VPS13D: variants seen among roughly 807,000 people sequenced by gnomAD.
The protein encoded by VPS13D is intermembrane lipid transfer protein VPS13D.
In VPS13D, 187 loss-of-function variants were observed where a neutral mutation model predicts 461.9. The observed-to-expected ratio is 0.40, with a 90% confidence interval of 0.36 to 0.46. VPS13D has a LOEUF of 0.46. Among genes scored for constraint, VPS13D ranks in the 20% least tolerant of loss-of-function variants. The pLI, the probability that VPS13D is intolerant of heterozygous loss-of-function variation, is 0.60. For synonymous variants in VPS13D, 1,951 were observed against 1,986.3 expected (o/e 0.98, Z 0.47); for missense variants, 4,711 against 5,364.9 (o/e 0.88, Z 3.81).
In VPS13D at chr1:12,416,609, A is replaced by G. The variant is rs758344276; in HGVS notation, c.12166-51A>G. ...CTTCGCTTGGGACACTGGTATCTGC[A>G]AATATAAGTAGATGCTGATTGGACT... On this transcript the variant is annotated intron_variant, in intron 64 of 69. Coordinates refer to ENST00000620676, the MANE Select transcript of VPS13D (RefSeq NM_015378.4). 32 of 1,574,308 alleles carry G rather than the reference A, an allele frequency of 2.0e-5. 1 individual carries two copies. Among genetic ancestry groups the G allele is most frequent in the Non-Finnish European group, 2.6e-5 (30 of 1,161,284 alleles).
At chr1:12,304,383 A>T (rs1171800241) in intron 25 of VPS13D, 123 bp from the exon 26 acceptor site, 2 of 822,862 alleles carry the variant, frequency 2.4e-6, no homozygotes, top group African/African-American at 3.5e-5. Flanking sequence ...TATAAGTATT[A>T]TAGAGTCTTT....
chr1:12,505,242 CT>C lies in VPS13D; in HGVS notation c.12795-1608del, dbSNP rs1646089595. 6.6e-6 allele frequency among the ~76,000 whole-genome samples: 1 copy of C among 151,752 alleles called. No individual in the cohort carries two copies. The highest frequency in any genetic ancestry group is 6.5e-5 in the Admixed American group (1 of 15,284). ...ATCATTTTTATCCCTCTCTGTCTGT[CT>C]TTCTGTCTTTCCCTGTGCCCTCCTT... is the stretch of plus-strand genomic sequence containing the variant. On this transcript the variant is annotated intron_variant, in intron 68 of 69. Coordinates refer to ENST00000620676, the MANE Select transcript of VPS13D (RefSeq NM_015378.4). This position sits in a 1 kb window ranked among gnomAD's most constrained non-coding sequence, Gnocchi z 4.2.
chr1:12,289,381 C>T (rs1642061156), intron 22 of VPS13D, among the ~76,000 whole-genome samples: 1 of 152,004 alleles, frequency 6.6e-6, no homozygotes, highest in Non-Finnish European at 1.5e-5. Context: ...CCGTACCCAG[C>T]CTTTAGTAGA....
At chr1:12,378,177 C>A (rs543843593) in intron 55 of VPS13D, among the ~76,000 whole-genome samples, 1 of 152,114 alleles carries the variant, frequency 6.6e-6, no homozygotes, top group Non-Finnish European at 1.5e-5. Context: ...GAAAATAATA[C>A]GTTTGTTAAA....
intron 27 of VPS13D, among the ~76,000 whole-genome samples, 195 bp from the exon 28 acceptor site, chr1:12,311,259 C>T (rs1642740480): frequency 6.6e-6 from 1 of 152,002 alleles, no homozygotes; most frequent in African/African-American, 2.4e-5. Context: ...AGAAAAGGGG[C>T]TTTTTGTAGT....
chr1:12,474,511 G>A (rs1387962165), intron 67 of VPS13D, among the ~76,000 whole-genome samples: 1 of 151,910 alleles, frequency 6.6e-6, no homozygotes, highest in Non-Finnish European at 1.5e-5. Flanking sequence ...AAAGTTCAGG[G>A]CTAAGCGTTT....
rs1646094584 is a variant in VPS13D at position 12,505,571 on chromosome 1, A to C, written c.12795-1282A>C. Among the ~76,000 whole-genome samples the C allele has an allele frequency of 6.6e-6, 1 of 152,260 alleles. No individual in the cohort carries two copies. The highest frequency in any genetic ancestry group is 6.5e-5 in the Admixed American group (1 of 15,290). ...GGGTGGCCAACTCTGTGGGGTGCTC[A>C]GGAAGACACGGGGCTGTGAGATATG... On this transcript the variant is annotated intron_variant, in intron 68 of 69. Coordinates refer to ENST00000620676, the MANE Select transcript of VPS13D (RefSeq NM_015378.4). The surrounding 1 kb of genome is among the most constrained non-coding windows in gnomAD (Gnocchi z 4.2).
intron 12 of VPS13D, 30 bp from the exon 13 acceptor site, chr1:12,261,871 T>C (rs1238047572): frequency 4.5e-6 from 7 of 1,555,728 alleles, no homozygotes; most frequent in Non-Finnish European, 2.6e-6. Flanking sequence ...CCACGTTTTT[T>C]CTTACAGTCT....
chr1:12,315,051 G>T (rs1409371518), intron 30 of VPS13D, among the ~76,000 whole-genome samples: 1 of 152,202 alleles, frequency 6.6e-6, no homozygotes, highest in Non-Finnish European at 1.5e-5. Flanking sequence ...GATATAACAT[G>T]TTGTTTTATG....
At chr1:12,342,640 G>A (rs1643595522) in intron 41 of VPS13D, among the ~76,000 whole-genome samples, 2 of 152,214 alleles carry the variant, frequency 1.3e-5, no homozygotes, top group African/African-American at 4.8e-5. Context: ...TAATTCACAT[G>A]TACCAGATTC....
Position 12,396,029 on chromosome 1 carries a change from A to ATATATT in VPS13D, c.11635-4152_11635-4151insTATATT, listed in dbSNP as rs1553187933. ...TATATATATATATATATATATATATAGTTCTTTAAGATCAATAAAATTAAT... is the reference window on the plus strand; with the variant it reads ...TATATATATATATATATATATATATATATATTGTTCTTTAAGATCAATAAAATTAAT... On this transcript the variant is annotated intron_variant, in intron 60 of 69. Coordinates refer to ENST00000620676, the MANE Select transcript of VPS13D (RefSeq NM_015378.4). Among the ~76,000 whole-genome samples the ATATATT allele has an allele frequency of 1.5e-3, 180 of 119,800 alleles. 13 individuals carry two copies. The highest frequency in any genetic ancestry group is 7.5e-3 in the East Asian group (33 of 4,398). 78.6% of individuals were successfully genotyped at this position (119,800 alleles called of 152,430 possible).
At chr1:12,381,921 CT>C (rs111392900) in intron 57 of VPS13D, among the ~76,000 whole-genome samples, 1,327 of 80,248 alleles carry the variant, frequency 0.017, 22 homozygotes, top group Admixed American at 0.078. Flanking sequence ...TCTTTCTTTT[CT>C]TTTCTTTCTT....
chr1:12,349,247 C>T lies in VPS13D; in HGVS notation c.9304C>T (p.Pro3102Ser). The T allele has an allele frequency of 6.2e-7, 1 of 1,614,096 alleles. No individual in the cohort carries two copies. Among genetic ancestry groups the T allele is most frequent in the Non-Finnish European group, 8.5e-7 (1 of 1,180,020 alleles). The change falls in exon 46 of 70, where the codon CCC (proline) becomes TCC (serine). Residue 3102 changes from proline to serine, a missense_variant. Around this residue, in one of 3 missense-constraint regions of VPS13D, gnomAD observed 4,411 missense variants for 4,937.8 expected, o/e 0.89. Transcript: ENST00000620676. ...HLTSWRLQAR[P>S]KGLGVFFCKA... ...CACTTCTTGGCGGCTACAGGCCCGG[C>T]CCAAAGGATTGGGTGTATTTTTCTG...
intron 2 of VPS13D, among the ~76,000 whole-genome samples, chr1:12,239,756 C>G (rs940204416): frequency 4.6e-5 from 7 of 152,122 alleles, no homozygotes; most frequent in Non-Finnish European, 7.3e-5. Context: ...GAGAAATGAC[C>G]TACCTCTAAA....
rs79517198 is a variant in VPS13D at position 12,421,030 on chromosome 1, A to G, written c.12333+4203A>G. Reference sequence around the variant, plus strand: ...AGCGTTCCTGCAAAAGAAACGTCTCATTTCATCTCTGTTGTTTAATTTATT... The same window carrying G: ...AGCGTTCCTGCAAAAGAAACGTCTCGTTTCATCTCTGTTGTTTAATTTATT... On this transcript the variant is annotated intron_variant, in intron 65 of 69. Coordinates refer to ENST00000620676, the MANE Select transcript of VPS13D (RefSeq NM_015378.4). 2.4e-3 allele frequency among the ~76,000 whole-genome samples: 360 copies of G among 152,228 alleles called. 4 individuals are homozygous for G. Among genetic ancestry groups the G allele is most frequent in the African/African-American group, 8.2e-3 (342 of 41,526 alleles).
intron 55 of VPS13D, among the ~76,000 whole-genome samples, chr1:12,374,791 G>A (rs1161842741): frequency 1.3e-5 from 2 of 152,164 alleles, no homozygotes; most frequent in African/African-American, 2.4e-5. Flanking sequence ...AGGCTGGAGT[G>A]CAATGGCATG....
intron 2 of VPS13D, among the ~76,000 whole-genome samples, chr1:12,236,710 A>G (rs910277961): frequency 1.3e-5 from 2 of 152,088 alleles, no homozygotes; most frequent in Non-Finnish European, 2.9e-5. Flanking sequence ...CCATCTACTG[A>G]TATTTACTGT....
chr1:12,349,948 C>G (rs1332461058), intron 46 of VPS13D, among the ~76,000 whole-genome samples: 1 of 152,120 alleles, frequency 6.6e-6, no homozygotes, highest in Non-Finnish European at 1.5e-5. Flanking sequence ...TGAGGATTAG[C>G]TTTAGTTTCT....
At chr1:12,248,996 CAA>C (rs1640646997) in intron 5 of VPS13D, among the ~76,000 whole-genome samples, 1 of 151,988 alleles carries the variant, frequency 6.6e-6, no homozygotes, top group African/African-American at 2.4e-5. Context: ...CATAACATAA[CAA>C]GAGAGTTATT....
Sources: gnomAD v4.1 joint callset for allele counts (sites outside exome capture counted in the v4.1 genomes callset) on GRCh38, gnomAD v4.1.1 for gene constraint, gnomAD v4.1.1 regional missense constraint, Gnocchi (gnomAD v3.1) non-coding constraint, MANE v1.5 for transcripts, NCBI Gene and HGNC (gene_info 2026-07-23, HGNC 2026-07-21) for gene names.